Variants in FGD4 observed in about 807,000 individuals in gnomAD.
FGD4 encodes the protein FYVE, RhoGEF and PH domain-containing protein 4.
Under a neutral mutation model 102.0 loss-of-function variants are expected in FGD4, and 42 were observed. The observed-to-expected ratio is 0.41, with a 90% confidence interval of 0.32 to 0.53. FGD4 has a LOEUF of 0.53. Among genes scored for constraint, FGD4 ranks in the 20% least tolerant of loss-of-function variants. The probability of loss-of-function intolerance (pLI) is 0.21; values close to 1 mark genes in which losing one functional copy is unlikely to be tolerated. For missense variants in FGD4, 902 were observed against 1,078.2 expected (o/e 0.84, Z 2.29); for synonymous variants, 380 against 375.7 (o/e 1.01, Z -0.13).
chr12:32,422,224 C>A (rs1206702318), intron 1 of FGD4, among the ~76,000 whole-genome samples: 1 of 145,782 alleles, frequency 6.9e-6, no homozygotes, highest in Non-Finnish European at 1.5e-5. Context: ...ATCTCTTAAT[C>A]TATTTCATTC....
intron 10 of FGD4, among the ~76,000 whole-genome samples, chr12:32,619,015 TA>T (rs1410620437): frequency 6.6e-6 from 1 of 152,196 alleles, no homozygotes; most frequent in Non-Finnish European, 1.5e-5. Flanking sequence ...CCCTCTAAGA[TA>T]CATCAATGAG....
intron 1 of FGD4, among the ~76,000 whole-genome samples, chr12:32,413,412 G>C (rs1015159980): frequency 6.6e-6 from 1 of 152,176 alleles, no homozygotes; most frequent in Non-Finnish European, 1.5e-5. Flanking sequence ...TTAATGTGCT[G>C]TGTAAATTAT....
intron 1 of FGD4, among the ~76,000 whole-genome samples, chr12:32,419,400 G>C (rs1045565348): frequency 6.6e-6 from 1 of 152,168 alleles, no homozygotes; most frequent in Admixed American, 6.6e-5. Flanking sequence ...TAGTCAGCAG[G>C]GGGTAAATCC....
intron 1 of FGD4, among the ~76,000 whole-genome samples, chr12:32,499,229 T>A (rs1057360177): frequency 4.6e-5 from 7 of 152,254 alleles, no homozygotes; most frequent in Admixed American, 1.3e-4. Flanking sequence ...ATCAGGCTCC[T>A]GCTTCCAAAG....
chr12:32,509,545 T>C lies in FGD4; in HGVS notation c.167-54592T>C, dbSNP rs1939149993. ...TCAGCAGAAATTTTCCAAATGCTTA[T>C]ATTTTGGATTGGCACCCTTGTATAC... is the stretch of plus-strand genomic sequence containing the variant. On this transcript the variant is annotated intron_variant, in intron 1 of 16. Coordinates refer to ENST00000534526, the MANE Select transcript of FGD4 (RefSeq NM_001370298.3). Among the ~76,000 whole-genome samples the C allele has an allele frequency of 2.6e-5, 4 of 152,346 alleles. No homozygotes were observed. In the South Asian group the frequency reaches 8.3e-4, roughly 32 times the overall value.
intron 1 of FGD4, among the ~76,000 whole-genome samples, chr12:32,489,062 G>T (rs1171526568): frequency 6.6e-6 from 1 of 152,016 alleles, no homozygotes; most frequent in African/African-American, 2.4e-5. Context: ...AGTAGTACTG[G>T]TTTTTTTTAC....
At chr12:32,601,925 G>T (rs1333077691) in intron 6 of FGD4, among the ~76,000 whole-genome samples, 1 of 152,012 alleles carries the variant, frequency 6.6e-6, no homozygotes. Flanking sequence ...TGGGCAACAT[G>T]GTGACACACT....
intron 1 of FGD4, among the ~76,000 whole-genome samples, chr12:32,554,538 A>G (rs1252775647): frequency 3.9e-5 from 6 of 152,218 alleles, no homozygotes; most frequent in Admixed American, 2.6e-4. Context: ...CAGGAGCACA[A>G]TTGCTGCCTT....
At chr12:32,418,584 A>T (rs1449266723) in intron 1 of FGD4, among the ~76,000 whole-genome samples, 2 of 152,100 alleles carry the variant, frequency 1.3e-5, no homozygotes, top group African/African-American at 4.8e-5. Flanking sequence ...CTCTGTGCTA[A>T]ACCACCTGGA....
Position 32,640,412 on chromosome 12 carries a change from T to A in FGD4, c.2591T>A (p.Leu864Gln), listed in dbSNP as rs1592515619. Residue 864 changes from leucine (L) to glutamine (Q), a missense_variant, in exon 17 of 17, where the codon CTG becomes CAG. This residue lies in a region of FGD4 where 459 missense variants were observed against 619.0 expected (regional missense o/e 0.74). Coordinates refer to ENST00000534526, the MANE Select transcript of FGD4 (RefSeq NM_001370298.3). ...AGCTTTGCTGCAGACAGTGAGGAAC[T>A]GAAGCAGAAGTGGCTGAAAGTCATC... ...VHSFAADSEE[L>Q]KQKWLKVILL... 7 of 1,614,142 alleles carry A rather than the reference T, an allele frequency of 4.3e-6. No homozygotes were observed. Among genetic ancestry groups the A allele is most frequent in the Admixed American group, 1.7e-5 (1 of 60,022 alleles).
intron 7 of FGD4, among the ~76,000 whole-genome samples, chr12:32,603,727 G>A (rs1314050246): frequency 3.3e-5 from 5 of 150,676 alleles, no homozygotes; most frequent in African/African-American, 1.2e-4. Flanking sequence ...TTAGAGACAG[G>A]GTCTTGCTCT....
At chr12:32,603,843 C>T (rs1209850822) in intron 7 of FGD4, among the ~76,000 whole-genome samples, 5 of 152,106 alleles carry the variant, frequency 3.3e-5, no homozygotes, top group African/African-American at 1.2e-4. Context: ...GCTGGGACTA[C>T]AGGCATGCGC....
chr12:32,595,136 C>T (rs1947789503), intron 4 of FGD4, among the ~76,000 whole-genome samples: 1 of 151,628 alleles, frequency 6.6e-6, no homozygotes, highest in South Asian at 2.1e-4. Flanking sequence ...CCTGTATCTT[C>T]CTCTGAAATA....
At chr12:32,528,922 A>G (rs1404839428) in intron 1 of FGD4, among the ~76,000 whole-genome samples, 1 of 152,176 alleles carries the variant, frequency 6.6e-6, no homozygotes, top group Non-Finnish European at 1.5e-5. Context: ...ACATATAACT[A>G]AAGAGGTGAT....
chr12:32,642,845 A>T lies in FGD4; in HGVS notation c.*2312A>T, dbSNP rs1304800368. The stretch of plus-strand genomic sequence containing the variant: ...CTGATGTTTTTACTCAATGAAAGGT[A>T]AAGTAATACCCTTAGCCATTTATTA... On this transcript the variant is annotated 3_prime_UTR_variant, in exon 17 of 17. Transcript: ENST00000534526. 1 of 152,546 alleles carries T rather than the reference A, an allele frequency of 6.6e-6. No homozygotes were observed. The highest frequency in any genetic ancestry group is 1.5e-5 in the Non-Finnish European group (1 of 67,952). The allele number at this position is 152,546 out of a possible 1,614,324, so 9.4% of individuals were successfully genotyped here. A position where few individuals can be genotyped will look rare whatever the true frequency, so the allele number is the denominator to read the frequency against.
intron 14 of FGD4, among the ~76,000 whole-genome samples, chr12:32,627,184 T>C (rs887927733): frequency 7.4e-5 from 11 of 148,908 alleles, no homozygotes; most frequent in African/African-American, 2.8e-4. Context: ...AGACAGAGTC[T>C]CACCCTATCG....
Position 32,644,475 on chromosome 12 carries a change from A to T in FGD4, c.*3942A>T, listed in dbSNP as rs1951311639. 1 of 152,188 alleles carries T rather than the reference A, an allele frequency of 6.6e-6. No individual in the cohort carries two copies. Among genetic ancestry groups the T allele is most frequent in the South Asian group, 2.1e-4 (1 of 4,830 alleles). The allele number at this position is 152,188 out of a possible 1,614,324, so 9.4% of individuals were successfully genotyped here. Reference sequence around the variant, plus strand: ...CATAGAAATGAACTTTTTCTATCGAAATTGTTTAACTTAAATATTTTAACA... The same window carrying T: ...CATAGAAATGAACTTTTTCTATCGATATTGTTTAACTTAAATATTTTAACA... On this transcript the variant is annotated 3_prime_UTR_variant, in exon 17 of 17. Coordinates refer to ENST00000534526, the MANE Select transcript of FGD4 (RefSeq NM_001370298.3).
intron 1 of FGD4, among the ~76,000 whole-genome samples, chr12:32,453,197 ATATT>A (rs1942834355): frequency 6.0e-5 from 2 of 33,574 alleles, no homozygotes; most frequent in South Asian, 1.3e-3. Context: ...TTTTATATAT[ATATT>A]ATATATATAT....
intron 1 of FGD4, among the ~76,000 whole-genome samples, chr12:32,530,329 G>C (rs139577451): frequency 0.014 from 2,091 of 152,002 alleles, 55 homozygotes; most frequent in African/African-American, 0.048. Flanking sequence ...CTAAAAAAAC[G>C]AAAATTAGCC....
Sources: gnomAD v4.1 joint callset for allele counts (sites outside exome capture counted in the v4.1 genomes callset) on GRCh38, gnomAD v4.1.1 for gene constraint, gnomAD v4.1.1 regional missense constraint, MANE v1.5 for transcripts, NCBI Gene and HGNC (gene_info 2026-07-23, HGNC 2026-07-21) for gene names.